Variants in MYH9 observed in about 807,000 individuals in gnomAD.
MYH9 encodes the protein myosin-9.
MYH9 carries 29 observed loss-of-function variants against 241.9 expected under a neutral mutation model. That is an observed-to-expected ratio of 0.12 (90% CI 0.09 to 0.16). MYH9 has a LOEUF of 0.16. Ranked by LOEUF, MYH9 falls within the 10% of genes least tolerant of loss-of-function variation. MYH9 has a pLI of 1.00. For missense variants in MYH9, 1,803 were observed against 2,595.5 expected (o/e 0.69, Z 6.63); for synonymous variants, 1,047 against 1,062.6 (o/e 0.99, Z 0.29).
chr22:36,327,519 C>T (rs78294828), intron 3 of MYH9, 31 bp from the exon 4 acceptor site: 12 of 1,613,532 alleles, frequency 7.4e-6, no homozygotes, highest in African/African-American at 2.7e-5. Flanking sequence ...GATTAACTCC[C>T]GCCAGATGCA....
At position 36,293,545 on chromosome 22, in the gene MYH9, A is replaced by G; in HGVS notation, c.3943-64T>C. ...GTGGTGTCCAAAACCCAGGAACCCC[A>G]CACCCTTGAGGAGAGGGAGGAGCTG... On this transcript the variant is annotated intron_variant, in intron 29 of 40. Transcript: ENST00000216181. This position sits in a 1 kb window ranked among gnomAD's most constrained non-coding sequence, Gnocchi z 5.1. 6.3e-7 allele frequency: 1 copy of G among 1,596,896 alleles called. No individual in the cohort carries two copies. Among genetic ancestry groups the G allele is most frequent in the Non-Finnish European group, 8.5e-7 (1 of 1,171,838 alleles).
At chr22:36,380,539 G>A (rs1043194735) in intron 1 of MYH9, among the ~76,000 whole-genome samples, 2 of 152,130 alleles carry the variant, frequency 1.3e-5, no homozygotes, top group Non-Finnish European at 2.9e-5. Flanking sequence ...TCAGGAGTTC[G>A]AGACCAGCCT....
chr22:36,310,023 G>T lies in MYH9; in HGVS notation c.1729-627C>A, dbSNP rs535427889. ...CCAGCACTTTGGGAGGCCAAGGCGGGTGGATCACCTGAGGTCAGGAGTTCG... is the reference window on the plus strand; with the variant it reads ...CCAGCACTTTGGGAGGCCAAGGCGGTTGGATCACCTGAGGTCAGGAGTTCG... On this transcript the variant is annotated intron_variant, in intron 14 of 40. Coordinates refer to ENST00000216181, the MANE Select transcript of MYH9 (RefSeq NM_002473.6). 5.1e-4 allele frequency among the ~76,000 whole-genome samples: 77 copies of T among 152,278 alleles called. 1 individual carries two copies. The highest frequency in any genetic ancestry group is 1.7e-3 in the African/African-American group (71 of 41,568).
intron 13 of MYH9, among the ~76,000 whole-genome samples, chr22:36,313,451 CAAAAAAAAAA>C (rs57101170): frequency 3.8e-5 from 2 of 52,928 alleles, no homozygotes; most frequent in Non-Finnish European, 7.5e-5. Flanking sequence ...GACTCCGTCT[CAAAAAAAAAA>C]AAAAAAAAAA....
chr22:36,293,547 A>T lies in MYH9; in HGVS notation c.3943-66T>A. ...GGTGTCCAAAACCCAGGAACCCCAC[A>T]CCCTTGAGGAGAGGGAGGAGCTGGT... is the stretch of plus-strand genomic sequence containing the variant. On this transcript the variant is annotated intron_variant, in intron 29 of 40. Transcript: ENST00000216181. The surrounding 1 kb of genome is among the most constrained non-coding windows in gnomAD (Gnocchi z 5.1). 1 of 1,592,178 alleles carries T rather than the reference A, an allele frequency of 6.3e-7. No homozygotes were observed. The highest frequency in any genetic ancestry group is 1.1e-5 in the South Asian group (1 of 90,760).
chr22:36,361,344 T>C (rs1421541912), intron 1 of MYH9, among the ~76,000 whole-genome samples: 4 of 152,136 alleles, frequency 2.6e-5, no homozygotes, highest in Admixed American at 1.3e-4. Context: ...CTTTGCCTCC[T>C]TGAAGCGGGC....
intron 1 of MYH9, among the ~76,000 whole-genome samples, chr22:36,376,700 A>G (rs1287486556): frequency 6.6e-6 from 1 of 152,236 alleles, no homozygotes; most frequent in African/African-American, 2.4e-5. Flanking sequence ...AGTGTTCTGT[A>G]AAATGAAGAG....
rs2017213160 is a variant in MYH9, at chr22:36,319,411, T to C, written c.1108+129A>G. 5 of 891,584 alleles carry C rather than the reference T, an allele frequency of 5.6e-6. No individual in the cohort carries two copies. In the East Asian group the frequency reaches 1.3e-4, roughly 23 times the overall value. 55.2% of individuals were successfully genotyped at this position (891,584 alleles called of 1,614,324 possible). On this transcript the variant is annotated intron_variant, in intron 10 of 40. Transcript: ENST00000216181. ...TGTTTACGTGTGTTTTACATCTGTA[T>C]AGAAAATACCGACAGATACTAACAT...
intron 3 of MYH9, among the ~76,000 whole-genome samples, chr22:36,333,883 A>T (rs1345108451): frequency 6.6e-6 from 1 of 152,136 alleles, no homozygotes; most frequent in Non-Finnish European, 1.5e-5. Context: ...GGGAGGCCAA[A>T]AGCACGAAGT....
At position 36,282,213 on chromosome 22, in the gene MYH9, A is replaced by G; in HGVS notation, c.*455T>C. 2.9e-6 allele frequency: 1 copy of G among 349,592 alleles called. No homozygotes were observed. Among genetic ancestry groups the G allele is most frequent in the Non-Finnish European group, 5.4e-6 (1 of 186,154 alleles). The allele number at this position is 349,592 out of a possible 1,614,324, so 21.7% of individuals were successfully genotyped here. A position where few individuals can be genotyped will look rare whatever the true frequency, so the allele number is the denominator to read the frequency against. ...CACCACGTGTGATTGCAAACAGCAA[A>G]GAAAGGAGGAGGAGTGGGGGCGCTG... On this transcript the variant is annotated 3_prime_UTR_variant, in exon 41 of 41. Coordinates refer to ENST00000216181, the MANE Select transcript of MYH9 (RefSeq NM_002473.6).
At chr22:36,371,868 C>A (rs1028465825) in intron 1 of MYH9, among the ~76,000 whole-genome samples, 11 of 151,908 alleles carry the variant, frequency 7.2e-5, no homozygotes, top group African/African-American at 2.7e-4. Context: ...AACATACCCC[C>A]TCATCTGCTT....
Position 36,285,503 on chromosome 22 carries a change from G to A in MYH9, c.5274+155C>T, listed in dbSNP as rs889477134. On this transcript the variant is annotated intron_variant, in intron 37 of 40. Transcript: ENST00000216181. This position sits in a 1 kb window ranked among gnomAD's most constrained non-coding sequence, Gnocchi z 7.0. ...CTGAACACCCAACACAGAAGCCAGA[G>A]GGGGACCTTTCAGGTCCAGGTGCCT... 6.6e-6 allele frequency among the ~76,000 whole-genome samples: 1 copy of A among 152,242 alleles called. No homozygotes were observed. The highest frequency in any genetic ancestry group is 2.4e-5 in the African/African-American group (1 of 41,480).
rs1733890216 is a variant in MYH9 at position 36,284,497 on chromosome 22, G to A, written c.5498C>T (p.Ala1833Val). Reference sequence around the variant, plus strand: ...CTCGGTCCGACGCACCTGTTTGCAGGCTGCCTGGCGCTCCCTGCATGACAG... The same window carrying A: ...CTCGGTCCGACGCACCTGTTTGCAGACTGCCTGGCGCTCCCTGCATGACAG... ...LDNETKERQAACKQVRRTEKK... is the reference protein window; with the variant it reads ...LDNETKERQAVCKQVRRTEKK... The change falls in exon 39 of 41, where the codon GCC becomes GTC. Residue 1833 changes from alanine to valine, a missense_variant. Ala to Val is a moderately conservative substitution (Grantham distance 64, BLOSUM62 0). Coordinates refer to ENST00000216181, the MANE Select transcript of MYH9 (RefSeq NM_002473.6). 3 of 1,612,448 alleles carry A rather than the reference G, an allele frequency of 1.9e-6. No homozygotes were observed. The highest frequency in any genetic ancestry group is 2.7e-5 in the African/African-American group (2 of 74,924).
At chr22:36,386,731 CA>C (rs748832717) in intron 1 of MYH9, among the ~76,000 whole-genome samples, 5 of 152,344 alleles carry the variant, frequency 3.3e-5, no homozygotes, top group South Asian at 2.1e-4. Flanking sequence ...GGACAGCCGG[CA>C]AGCTAGTGCT....
rs751204905 is a variant in MYH9, at chr22:36,285,105, G to T, written c.5483+16C>A. On this transcript the variant is annotated intron_variant, in intron 38 of 40. Coordinates refer to ENST00000216181, the MANE Select transcript of MYH9 (RefSeq NM_002473.6). The surrounding 1 kb of genome is among the most constrained non-coding windows in gnomAD (Gnocchi z 7.0). ...TTCCAGGACAGCTGGGGTTGGGCGG[G>T]GCCAGGGGCACGTACTTGGTCTCGT... 1.9e-6 allele frequency: 3 copies of T among 1,612,746 alleles called. No homozygotes were observed. The highest frequency in any genetic ancestry group is 2.5e-6 in the Non-Finnish European group (3 of 1,179,616).
chr22:36,291,892 T>C, intron 31 of MYH9, 94 bp downstream of exon 31: 1 of 1,593,646 alleles, frequency 6.3e-7, no homozygotes, highest in African/African-American at 1.3e-5. Context: ...GGCGAGACCC[T>C]GAGGGAGCCC....
chr22:36,320,253 T>A lies in MYH9; in HGVS notation c.979A>T (p.Arg327Trp), dbSNP rs1288302731. ...TCCTCTTCTGGGATGCCCATAATCC[T>A]CATGGCCTCCATGGTCTCCTGGAAC... ...DMFQETMEAMRIMGIPEEEQM... is the reference protein window; with the variant it reads ...DMFQETMEAMWIMGIPEEEQM... Residue 327 changes from arginine to tryptophan, a missense_variant, in exon 9 of 41, where the codon AGG (arginine) becomes TGG (tryptophan). Arg to Trp is a moderately radical substitution (Grantham distance 101). This residue lies in a region of MYH9 where 222 missense variants were observed against 359.9 expected (regional missense o/e 0.62). Transcript: ENST00000216181. The surrounding 1 kb of genome is among the most constrained non-coding windows in gnomAD (Gnocchi z 4.8). The A allele has an allele frequency of 5.0e-6, 8 of 1,614,202 alleles. No individual in the cohort carries two copies. Among genetic ancestry groups the A allele is most frequent in the Non-Finnish European group, 6.8e-6 (8 of 1,180,020 alleles).
At chr22:36,286,974 C>T (rs1036980450) in intron 34 of MYH9, 128 bp from the exon 35 acceptor site, 25 of 1,410,420 alleles carry the variant, frequency 1.8e-5, no homozygotes, top group African/African-American at 4.2e-5. Flanking sequence ...ACCAACTAAC[C>T]GTGGTGACAG....
chr22:36,327,147 A>G (rs113774214), intron 4 of MYH9, among the ~76,000 whole-genome samples: 4 of 152,338 alleles, frequency 2.6e-5, no homozygotes, highest in African/African-American at 9.6e-5. Context: ...AATGCCTTCC[A>G]CCCAGAAGTT....
Sources: allele counts gnomAD v4.1 joint callset (sites outside exome capture counted in the v4.1 genomes callset), GRCh38; gene constraint gnomAD v4.1.1; regional missense constraint gnomAD v4.1.1; non-coding constraint Gnocchi (gnomAD v3.1); transcripts MANE v1.5; gene names NCBI Gene and HGNC (gene_info 2026-07-23, HGNC 2026-07-21).